The following DOCK1 variants were observed in gnomAD, a reference collection of about 807,000 sequenced individuals.
The protein encoded by DOCK1 is dedicator of cytokinesis protein 1.
DOCK1 carries 138 observed loss-of-function variants against 262.7 expected under a neutral mutation model. The ratio of observed to expected loss-of-function variants is 0.53; its 90% CI spans 0.46 to 0.61. The LOEUF (loss-of-function observed/expected upper bound fraction) is 0.61. DOCK1 is among the 20% of genes least tolerant of loss of function. DOCK1 has a pLI of 0.00. For missense variants in DOCK1, 1,908 were observed against 2,370.7 expected, an observed-to-expected ratio of 0.80 and a Z score of 4.05; for synonymous variants, 866 against 867.4, an observed-to-expected ratio of 1.00 and a Z score of 0.03.
chr10:127,088,402 A>G (rs1351103322), intron 23 of DOCK1, among the ~76,000 whole-genome samples: 1 of 152,184 alleles, frequency 6.6e-6, no homozygotes, highest in African/African-American at 2.4e-5. Flanking sequence ...AGAAATTATT[A>G]AAAGCTGTCC....
intron 27 of DOCK1, 65 bp downstream of exon 27, chr10:127,127,829 T>A: frequency 7.2e-7 from 1 of 1,391,208 alleles, no homozygotes; most frequent in Non-Finnish European, 1.0e-6. Context: ...CTCCAACTGC[T>A]GTTTGAACAT....
intron 1 of DOCK1, among the ~76,000 whole-genome samples, chr10:126,928,791 A>G (rs984666792): frequency 3.9e-5 from 6 of 152,226 alleles, no homozygotes; most frequent in South Asian, 2.1e-4. Context: ...TTACCACCCA[A>G]TTTACCAGAA....
chr10:127,068,213 T>C (rs2045987183), intron 23 of DOCK1, among the ~76,000 whole-genome samples: 1 of 152,214 alleles, frequency 6.6e-6, no homozygotes, highest in African/African-American at 2.4e-5. Context: ...TACCCAGAAT[T>C]CTTCCTTATG....
chr10:127,344,892 A>T (rs2063565965), intron 31 of DOCK1, among the ~76,000 whole-genome samples: 1 of 152,204 alleles, frequency 6.6e-6, no homozygotes, highest in Admixed American at 6.5e-5. Flanking sequence ...GAAGAAAGAA[A>T]GAATTATAGT....
At chr10:127,401,200 C>T (rs1259007823) in intron 38 of DOCK1, among the ~76,000 whole-genome samples, 1 of 152,042 alleles carries the variant, frequency 6.6e-6, no homozygotes, top group Non-Finnish European at 1.5e-5. Flanking sequence ...TTGAAAAGCC[C>T]CTCCCCTAGG....
Position 127,396,343 on chromosome 10 carries a change from C to T in DOCK1, c.3928-6712C>T, listed in dbSNP as rs57623763. Among the ~76,000 whole-genome samples, 837 of 152,332 alleles carry T rather than the reference C, an allele frequency of 5.5e-3. 10 individuals carry two copies. The highest frequency in any genetic ancestry group is 0.019 in the African/African-American group (798 of 41,568). ...CCCCTATCCCAGGACATCTCACCAG[C>T]AAGTCTGCACTCTCCCTTTGCAGCA... On this transcript the variant is annotated intron_variant, in intron 38 of 51. Transcript: ENST00000623213.
chr10:127,182,103 C>T (rs547603151), intron 27 of DOCK1, among the ~76,000 whole-genome samples: 1 of 152,082 alleles, frequency 6.6e-6, no homozygotes. Flanking sequence ...TTGGAGGAAA[C>T]ACGGAGATGG....
At chr10:127,099,975 G>T (rs557574944) in intron 23 of DOCK1, among the ~76,000 whole-genome samples, 1 of 152,152 alleles carries the variant, frequency 6.6e-6, no homozygotes. Flanking sequence ...TGGCAGAGGG[G>T]CCTGGCCCAC....
chr10:127,207,198 A>G (rs2057763980), intron 27 of DOCK1, among the ~76,000 whole-genome samples: 1 of 152,228 alleles, frequency 6.6e-6, no homozygotes, highest in East Asian at 1.9e-4. Flanking sequence ...TCATAGTTCT[A>G]GAGCTTTATG....
chr10:127,404,377 C>G lies in DOCK1; in HGVS notation c.4070C>G (p.Pro1357Arg), dbSNP rs769279030. ...ATCGTCAAAGTGATCAGGCCCAAGCCTGACTATTTTGCTGTTGGCTACTAC... is the reference window on the plus strand; with the variant it reads ...ATCGTCAAAGTGATCAGGCCCAAGCGTGACTATTTTGCTGTTGGCTACTAC... Reference protein sequence around the residue: ...ENIVKVIRPKPDYFAVGYYGQ... With the variant: ...ENIVKVIRPKRDYFAVGYYGQ... Residue 1357 changes from proline (P) to arginine (R), a missense_variant, in exon 40 of 52, where the codon CCT becomes CGT. Pro to Arg is a moderately radical substitution (Grantham distance 103, BLOSUM62 -2). Coordinates refer to ENST00000623213, the MANE Select transcript of DOCK1 (RefSeq NM_001290223.2). The G allele has an allele frequency of 1.2e-6, 2 of 1,613,942 alleles. No homozygotes were observed. The highest frequency in any genetic ancestry group is 1.7e-6 in the Non-Finnish European group (2 of 1,179,864).
chr10:127,002,904 CA>C (rs2040696366), intron 10 of DOCK1, among the ~76,000 whole-genome samples: 1 of 152,218 alleles, frequency 6.6e-6, no homozygotes, highest in Non-Finnish European at 1.5e-5. Flanking sequence ...CACCTGGGGC[CA>C]AGTTCTAGCC....
intron 31 of DOCK1, among the ~76,000 whole-genome samples, chr10:127,347,373 G>A (rs962021329): frequency 6.6e-6 from 1 of 152,230 alleles, no homozygotes; most frequent in African/African-American, 2.4e-5. Flanking sequence ...AGTGGTGACG[G>A]AGGGCCTTGG....
chr10:126,939,897 C>G (rs1358071256), intron 1 of DOCK1, among the ~76,000 whole-genome samples: 1 of 152,210 alleles, frequency 6.6e-6, no homozygotes, highest in Non-Finnish European at 1.5e-5. Flanking sequence ...ATGAAGGAGA[C>G]TGCTTCCTTT....
chr10:127,164,298 C>T (rs981833540), intron 27 of DOCK1, among the ~76,000 whole-genome samples: 2 of 149,676 alleles, frequency 1.3e-5, no homozygotes, highest in Non-Finnish European at 3.0e-5. Flanking sequence ...ATTCTCCTCC[C>T]TCAGCCTCTT....
In DOCK1 at chr10:127,017,210, C is replaced by T. The variant is rs563889945; in HGVS notation, c.1202-1500C>T. ...ACACATACACACGCACACACAGATG[C>T]AGACACCATTAAACACAGACACACA... On this transcript the variant is annotated intron_variant, in intron 12 of 51. Coordinates refer to ENST00000623213, the MANE Select transcript of DOCK1 (RefSeq NM_001290223.2). Among the ~76,000 whole-genome samples, 47 of 135,922 alleles carry T rather than the reference C, an allele frequency of 3.5e-4. 1 individual carries two copies. In the South Asian group the frequency reaches 0.012, roughly 33 times the overall value. 89.2% of individuals were successfully genotyped at this position (135,922 alleles called of 152,430 possible). A position where few individuals can be genotyped will look rare whatever the true frequency, so the allele number is the denominator to read the frequency against.
At chr10:127,257,645 G>GCT in intron 29 of DOCK1, 4 of 402,484 alleles carry the variant, frequency 9.9e-6, no homozygotes, top group Non-Finnish European at 1.8e-5. Flanking sequence ...AAGAACTTGA[G>GCT]CTCCGTCCCC....
intron 27 of DOCK1, among the ~76,000 whole-genome samples, chr10:127,144,104 A>G (rs1001029996): frequency 3.9e-5 from 6 of 152,130 alleles, no homozygotes; most frequent in Non-Finnish European, 2.9e-5. Flanking sequence ...GCTCTAGTCC[A>G]GAACTCCAGC....
chr10:127,327,371 C>G (rs1050836595), intron 29 of DOCK1, among the ~76,000 whole-genome samples: 3 of 152,222 alleles, frequency 2.0e-5, no homozygotes, highest in Non-Finnish European at 4.4e-5. Flanking sequence ...TCAGCACTTT[C>G]TGTTCACCTT....
At chr10:127,031,855 C>G in intron 17 of DOCK1, 102 bp downstream of exon 17, 4 of 1,045,282 alleles carry the variant, frequency 3.8e-6, no homozygotes, top group Non-Finnish European at 5.7e-6. Context: ...GAGGAAGCTG[C>G]TATCTAGCTA....
Sources: gnomAD v4.1 joint callset for allele counts (sites outside exome capture counted in the v4.1 genomes callset) on GRCh38, gnomAD v4.1.1 for gene constraint, MANE v1.5 for transcripts, NCBI Gene and HGNC (gene_info 2026-07-23, HGNC 2026-07-21) for gene names.